TMLHE: variants seen among roughly 807,000 people sequenced by gnomAD.
The protein encoded by TMLHE is trimethyllysine dioxygenase, mitochondrial.
TMLHE carries 18 observed loss-of-function variants against 25.7 expected under a neutral mutation model. That is an observed-to-expected ratio of 0.70 (90% CI 0.48 to 1.04). The LOEUF (loss-of-function observed/expected upper bound fraction) is 1.04, where lower values mean the gene tolerates loss of function less well. Among genes scored for constraint, TMLHE ranks in the 50% least tolerant of loss-of-function variants. TMLHE has a pLI of 0.00. For synonymous variants in TMLHE, 105 were observed against 97.0 expected (o/e 1.08, Z -0.49); for missense variants, 236 against 259.0 (o/e 0.91, Z 0.61).
chrX:155,573,499 T>C lies in TMLHE; in HGVS notation c.-1-28222A>G, dbSNP rs1183249548. Among the ~76,000 whole-genome samples, 5 of 56,217 alleles carry C rather than the reference T, an allele frequency of 8.9e-5. 1 individual carries two copies. Among genetic ancestry groups the C allele is most frequent in the African/African-American group, 2.1e-4 (5 of 23,529 alleles). The allele number at this position is 56,217 out of a possible 115,157, so 48.8% of individuals were successfully genotyped here. ...CATTACTGGGTATATACCCAAAGGATTATAAATCATGCTGCTATAAGGACC... is the reference window on the plus strand; with the variant it reads ...CATTACTGGGTATATACCCAAAGGACTATAAATCATGCTGCTATAAGGACC... On this transcript the variant is annotated intron_variant, in intron 1 of 7. Transcript: ENST00000334398.
At chrX:155,535,556 T>C (rs919338698) in intron 2 of TMLHE, among the ~76,000 whole-genome samples, 3 of 112,315 alleles carry the variant, frequency 2.7e-5, no homozygotes, top group African/African-American at 9.7e-5. Flanking sequence ...GGCTTCAACA[T>C]ATGAATTTGG....
intron 1 of TMLHE, among the ~76,000 whole-genome samples, chrX:155,607,647 T>C (rs906432065): frequency 8.9e-6 from 1 of 111,740 alleles, no homozygotes; most frequent in Non-Finnish European, 1.9e-5. Flanking sequence ...TATTATTTTA[T>C]ACATAGAAAA....
chrX:155,543,972 C>T (rs2067328026), intron 2 of TMLHE, among the ~76,000 whole-genome samples: 1 of 111,600 alleles, frequency 9.0e-6, no homozygotes, highest in Non-Finnish European at 1.9e-5. Flanking sequence ...TGGCCTTGGC[C>T]CTTCCCTTTG....
At chrX:155,546,468 G>C (rs1189401794) in intron 1 of TMLHE, among the ~76,000 whole-genome samples, 1 of 111,407 alleles carries the variant, frequency 9.0e-6, no homozygotes, top group African/African-American at 3.3e-5. Context: ...ATGCAGTAGT[G>C]TAATTAAACC....
chrX:155,611,125 C>T (rs1288653937), intron 1 of TMLHE, among the ~76,000 whole-genome samples: 1 of 111,507 alleles, frequency 9.0e-6, no homozygotes, highest in Non-Finnish European at 1.9e-5. Context: ...TTTTCCTCAT[C>T]CAGAAGAACA....
intron 1 of TMLHE, among the ~76,000 whole-genome samples, chrX:155,578,722 T>G (rs1412281857): frequency 1.8e-5 from 2 of 110,950 alleles, no homozygotes; most frequent in Non-Finnish European, 3.8e-5. Flanking sequence ...GCCCAAGAAT[T>G]GGCCTGCCTT....
chrX:155,532,013 T>G (rs1298736151), intron 2 of TMLHE, among the ~76,000 whole-genome samples: 1 of 111,722 alleles, frequency 9.0e-6, no homozygotes, highest in African/African-American at 3.3e-5. Flanking sequence ...GAGACATCAG[T>G]GGCTACACAC....
intron 1 of TMLHE, among the ~76,000 whole-genome samples, chrX:155,548,464 G>C (rs781851732): frequency 3.7e-5 from 4 of 108,713 alleles, no homozygotes; most frequent in Admixed American, 9.6e-5. Flanking sequence ...GGCTGGGCAC[G>C]GTGGCTCATG....
chrX:155,600,369 A>C (rs2067748854), intron 1 of TMLHE, among the ~76,000 whole-genome samples: 2 of 112,171 alleles, frequency 1.8e-5, no homozygotes, highest in South Asian at 7.3e-4. Context: ...AATTCTAGTT[A>C]GGACATTGTG....
At position 155,561,284 on chromosome X, in the gene TMLHE, G is replaced by C. The variant is rs6567766; in HGVS notation, c.-1-16007C>G. On this transcript the variant is annotated intron_variant, in intron 1 of 7. Transcript: ENST00000334398. Reference sequence around the variant, plus strand: ...AGAAGGTGAAGGGAAAGCAAGGCACGTCTTACATGATGGCAGGAGTGGGGG... The same window carrying C: ...AGAAGGTGAAGGGAAAGCAAGGCACCTCTTACATGATGGCAGGAGTGGGGG... Among the ~76,000 whole-genome samples the C allele has an allele frequency of 5.7e-4, 35 of 60,940 alleles. 7 individuals carry two copies. The highest frequency in any genetic ancestry group is 1.2e-3 in the African/African-American group (32 of 27,588). The allele number at this position is 60,940 out of a possible 115,157, so 52.9% of individuals were successfully genotyped here.
rs150465964 is a variant in TMLHE at position 155,577,070 on chromosome X, A to G, written c.-1-31793T>C. Among the ~76,000 whole-genome samples the G allele has an allele frequency of 5.2e-3, 588 of 112,221 alleles. 2 individuals carry two copies. Among genetic ancestry groups the G allele is most frequent in the Non-Finnish European group, 7.9e-3 (420 of 53,221 alleles). On this transcript the variant is annotated intron_variant, in intron 1 of 7. Transcript: ENST00000334398. ...AAGAAACTATCAACAGAGTAAATAG[A>G]CAACACACAGAATGGGGCAAATATT...
At chrX:155,592,326 G>A (rs1557346067) in intron 1 of TMLHE, among the ~76,000 whole-genome samples, 1 of 111,831 alleles carries the variant, frequency 8.9e-6, no homozygotes, top group Non-Finnish European at 1.9e-5. Context: ...CAAAATAGGA[G>A]ATTCCAGGCT....
At chrX:155,512,309 C>T (rs895207751) in intron 4 of TMLHE, among the ~76,000 whole-genome samples, 43 of 101,556 alleles carry the variant, frequency 4.2e-4, no homozygotes, top group African/African-American at 1.6e-3. Flanking sequence ...CAATGCTATC[C>T]CTCCCCCCTT....
chrX:155,571,280 C>T (rs1489230350), intron 1 of TMLHE, among the ~76,000 whole-genome samples: 1 of 56,226 alleles, frequency 1.8e-5, no homozygotes, highest in Admixed American at 2.1e-4. Context: ...CAAAACTAAA[C>T]CAGGAAGAAG....
At chrX:155,512,221 G>C in intron 4 of TMLHE, among the ~76,000 whole-genome samples, 1 of 109,382 alleles carries the variant, frequency 9.1e-6, no homozygotes. Flanking sequence ...CAATGTGCAG[G>C]TTTGTTACAT....
intron 1 of TMLHE, among the ~76,000 whole-genome samples, chrX:155,601,921 A>C (rs782533078): frequency 9.0e-6 from 1 of 111,174 alleles, no homozygotes; most frequent in South Asian, 3.8e-4. Flanking sequence ...AATGGACTTT[A>C]AGAAAAAAAT....
At chrX:155,548,529 T>A (rs1484371515) in intron 1 of TMLHE, among the ~76,000 whole-genome samples, 2 of 107,598 alleles carry the variant, frequency 1.9e-5, no homozygotes, top group Non-Finnish European at 1.9e-5. Context: ...AGGTCAGCAG[T>A]ATGAGGCCAG....
intron 1 of TMLHE, among the ~76,000 whole-genome samples, chrX:155,582,938 A>C (rs1355130594): frequency 1.8e-5 from 2 of 112,558 alleles, no homozygotes; most frequent in African/African-American, 3.2e-5. Context: ...TCCATCAATG[A>C]TAGACTGGAT....
intron 3 of TMLHE, 77 bp from the exon 4 acceptor site, chrX:155,514,342 A>C: frequency 9.6e-7 from 1 of 1,037,052 alleles, no homozygotes; most frequent in Non-Finnish European, 1.3e-6. Context: ...CAACTAGTTA[A>C]GAATCTTTTT....
Sources: allele counts gnomAD v4.1 joint callset (sites outside exome capture counted in the v4.1 genomes callset), GRCh38; gene constraint gnomAD v4.1.1; transcripts MANE v1.5; gene names NCBI Gene and HGNC (gene_info 2026-07-23, HGNC 2026-07-21).